Variants in PGR observed in about 807,000 individuals in gnomAD.
PGR encodes nuclear receptor subfamily 3 group C member 3.
PGR carries 25 observed loss-of-function variants against 76.1 expected under a neutral mutation model. The ratio of observed to expected loss-of-function variants is 0.33; its 90% CI spans 0.24 to 0.46. The LOEUF (loss-of-function observed/expected upper bound fraction) is 0.46. PGR is among the 20% of genes least tolerant of loss of function. PGR has a pLI of 1.00. For synonymous variants in PGR, 579 were observed against 535.0 expected (o/e 1.08, Z -1.14); for missense variants, 1,172 against 1,225.3 (o/e 0.96, Z 0.65).
chr11:101,064,331 C>CAAAAAAAAAAAAAAA lies in PGR; in HGVS notation c.1907-1594_1907-1580dup, dbSNP rs10556132. ...AGGTGACAAGGGAGAAACTCCACCTCAAAAAAAAAAAAAAAAAAAAAAAAA... is the reference window on the plus strand; with the variant it reads ...AGGTGACAAGGGAGAAACTCCACCTCAAAAAAAAAAAAAAAAAAAAAAAAAAAAAAAAAAAAAAAA... On this transcript the variant is annotated intron_variant, in intron 3 of 7. Transcript: ENST00000325455. Among the ~76,000 whole-genome samples, 12 of 39,452 alleles carry CAAAAAAAAAAAAAAA rather than the reference C, an allele frequency of 3.0e-4. 1 individual carries two copies. The highest frequency in any genetic ancestry group is 1.2e-3 in the African/African-American group (9 of 7,248). 25.9% of individuals were successfully genotyped at this position (39,452 alleles called of 152,430 possible).
At position 101,105,191 on chromosome 11, in the gene PGR, T is replaced by A. The variant is rs543196309; in HGVS notation, c.1790-13315A>T. On this transcript the variant is annotated intron_variant, in intron 2 of 7. Coordinates refer to ENST00000325455, the MANE Select transcript of PGR (RefSeq NM_000926.4). Reference sequence around the variant, plus strand: ...GGGCCTTGAAGGCCACTGTAAGAAATTTGATTTTTCTCTAAAAGATATGGT... The same window carrying A: ...GGGCCTTGAAGGCCACTGTAAGAAAATTGATTTTTCTCTAAAAGATATGGT... Among the ~76,000 whole-genome samples the A allele has an allele frequency of 4.4e-4, 67 of 152,110 alleles. 1 individual carries two copies. Among genetic ancestry groups the A allele is most frequent in the Admixed American group, 5.2e-4 (8 of 15,264 alleles).
chr11:101,124,563 A>T (rs1862781540), intron 2 of PGR, among the ~76,000 whole-genome samples: 1 of 152,194 alleles, frequency 6.6e-6, no homozygotes, highest in South Asian at 2.1e-4. Context: ...GAGGATTCTA[A>T]GGGAGTCATT....
rs1232750444 is a variant in PGR, at chr11:101,113,392, G to T, written c.1789+12615C>A. Among the ~76,000 whole-genome samples the T allele has an allele frequency of 3.3e-5, 5 of 150,584 alleles. 1 individual carries two copies. Among genetic ancestry groups the T allele is most frequent in the African/African-American group, 1.2e-4 (5 of 40,986 alleles). ...TTCTCCTGCCTCAGCCTCCTGAGTA[G>T]CTGGGACTACAGGCACCCACCACCA... On this transcript the variant is annotated intron_variant, in intron 2 of 7. Transcript: ENST00000325455.
At position 101,109,561 on chromosome 11, in the gene PGR, A is replaced by G. The variant is rs143051659; in HGVS notation, c.1789+16446T>C. ...GCCATAATTCTCTTCAATTCTATCA[A>G]GGGTGAGAGAGGGATGAAAGCTGTA... On this transcript the variant is annotated intron_variant, in intron 2 of 7. Coordinates refer to ENST00000325455, the MANE Select transcript of PGR (RefSeq NM_000926.4). Among the ~76,000 whole-genome samples, 47 of 152,346 alleles carry G rather than the reference A, an allele frequency of 3.1e-4. No individual in the cohort carries two copies. The East Asian group carries it at 6.6e-3, about 21-fold the overall frequency.
At chr11:101,072,762 C>T (rs1218437569) in intron 3 of PGR, among the ~76,000 whole-genome samples, 1 of 152,278 alleles carries the variant, frequency 6.6e-6, no homozygotes, top group East Asian at 1.9e-4. Context: ...ATCAATGCAA[C>T]AAGAAGAGCT....
chr11:101,067,713 C>G (rs665617), intron 3 of PGR, among the ~76,000 whole-genome samples: 27,014 of 151,442 alleles, frequency 0.18, 2,858 homozygotes, highest in African/African-American at 0.3. Flanking sequence ...AAGTACATGT[C>G]AATACATGAG....
intron 3 of PGR, among the ~76,000 whole-genome samples, chr11:101,080,863 A>G (rs1021274338): frequency 6.6e-6 from 1 of 152,146 alleles, no homozygotes; most frequent in Non-Finnish European, 1.5e-5. Context: ...AGACTGGATC[A>G]AGCAGAAGAA....
chr11:101,101,766 T>G (rs940335146), intron 2 of PGR, among the ~76,000 whole-genome samples: 3 of 152,220 alleles, frequency 2.0e-5, no homozygotes, highest in Non-Finnish European at 4.4e-5. Flanking sequence ...GTCATTAAAT[T>G]TTTTGGTTTG....
At chr11:101,046,292 ATTTT>A (rs540943297) in intron 6 of PGR, among the ~76,000 whole-genome samples, 15 of 66,274 alleles carry the variant, frequency 2.3e-4, no homozygotes, top group African/African-American at 5.2e-4. Flanking sequence ...CGCCTGGCTA[ATTTT>A]TTTTTTTTTT....
intron 5 of PGR, among the ~76,000 whole-genome samples, chr11:101,050,357 C>A (rs997780919): frequency 6.6e-6 from 1 of 151,928 alleles, no homozygotes; most frequent in African/African-American, 2.4e-5. Flanking sequence ...ATACCTAAAC[C>A]AAGAAAACAC....
rs1214198393 is a variant in PGR, at chr11:101,062,673, A to T, written c.1986T>A (p.Val662=). The T allele has an allele frequency of 6.2e-7, 1 of 1,613,948 alleles. No homozygotes were observed. Among genetic ancestry groups the T allele is most frequent in the Admixed American group, 1.7e-5 (1 of 59,998 alleles). The part of the protein sequence containing the change: ...DAVALPQPVG[V]PNESQALSQR... ...GGCTTAGGGCTTGGCTTTCATTTGG[A>T]ACGCCCACTGGCTGTGGGAGAGCAA... The change falls in exon 4 of 8, where the codon GTT becomes GTA. Residue 662 remains valine (V), a synonymous_variant. Transcript: ENST00000325455.
chr11:101,031,512 A>G lies in PGR; in HGVS notation c.*7604T>C. On this transcript the variant is annotated 3_prime_UTR_variant, in exon 8 of 8. Coordinates refer to ENST00000325455, the MANE Select transcript of PGR (RefSeq NM_000926.4). Reference sequence around the variant, plus strand: ...AAGCGCCAAGTTTTCTCTTCAACCTACTGCTCACCAGTGCTCCCTCCTCAG... The same window carrying G: ...AAGCGCCAAGTTTTCTCTTCAACCTGCTGCTCACCAGTGCTCCCTCCTCAG... The G allele has an allele frequency of 4.4e-6, 1 of 228,154 alleles. No homozygotes were observed. The highest frequency in any genetic ancestry group is 8.7e-6 in the Non-Finnish European group (1 of 114,906). The allele number at this position is 228,154 out of a possible 1,614,324, so 14.1% of individuals were successfully genotyped here. A position where few individuals can be genotyped will look rare whatever the true frequency, so the allele number is the denominator to read the frequency against.
chr11:101,100,589 T>C (rs149540838), intron 2 of PGR, among the ~76,000 whole-genome samples: 1 of 148,636 alleles, frequency 6.7e-6, no homozygotes, highest in Non-Finnish European at 1.5e-5. Context: ...ATAATGCTGA[T>C]ACTAGTATTT....
intron 3 of PGR, among the ~76,000 whole-genome samples, chr11:101,067,941 A>G (rs891539376): frequency 1.3e-5 from 2 of 152,168 alleles, no homozygotes; most frequent in African/African-American, 4.8e-5. Context: ...ATCCTACAGA[A>G]TAATATAAGA....
chr11:101,060,571 G>A (rs1334964982), intron 4 of PGR, among the ~76,000 whole-genome samples: 1 of 152,084 alleles, frequency 6.6e-6, no homozygotes, highest in Non-Finnish European at 1.5e-5. Flanking sequence ...TTCTATACAT[G>A]TGTCCATCCA....
rs2135380770 is a variant in PGR, at chr11:101,042,747, A to T, written c.2489-645T>A. 2.6e-5 allele frequency among the ~76,000 whole-genome samples: 4 copies of T among 152,304 alleles called. No individual in the cohort carries two copies. The South Asian group carries it at 8.3e-4, about 32-fold the overall frequency. On this transcript the variant is annotated intron_variant, in intron 6 of 7. Coordinates refer to ENST00000325455, the MANE Select transcript of PGR (RefSeq NM_000926.4). ...GGTTCCAGACCACGGCAATGAAGGA[A>T]ATATTGCAACAAAGTGAATCACATG...
At position 101,035,711 on chromosome 11, in the gene PGR, T is replaced by C. The variant is rs763274162; in HGVS notation, c.*3405A>G. On this transcript the variant is annotated 3_prime_UTR_variant, in exon 8 of 8. Transcript: ENST00000325455. Reference sequence around the variant, plus strand: ...AGTGATAGGCTCTTTAGAACTTTGATAAAACAGGCCCTAAACTCAAAACAC... The same window carrying C: ...AGTGATAGGCTCTTTAGAACTTTGACAAAACAGGCCCTAAACTCAAAACAC... 99 of 232,132 alleles carry C rather than the reference T, an allele frequency of 4.3e-4. No individual in the cohort carries two copies. The highest frequency in any genetic ancestry group is 7.0e-4 in the Non-Finnish European group (82 of 117,506). The allele number at this position is 232,132 out of a possible 1,614,324, so 14.4% of individuals were successfully genotyped here.
At chr11:101,086,345 G>A (rs542643534) in intron 3 of PGR, among the ~76,000 whole-genome samples, 1 of 152,162 alleles carries the variant, frequency 6.6e-6, no homozygotes. Flanking sequence ...AAAACCATAT[G>A]ATCATCTCAA....
chr11:101,127,002 A>G (rs1417062518), intron 1 of PGR: 1 of 152,802 alleles, frequency 6.5e-6, no homozygotes, highest in African/African-American at 2.4e-5. Context: ...CCTCTCCAAG[A>G]CAAGCACTCC....
Sources: gnomAD v4.1 joint callset for allele counts (sites outside exome capture counted in the v4.1 genomes callset) on GRCh38, gnomAD v4.1.1 for gene constraint, MANE v1.5 for transcripts, NCBI Gene and HGNC (gene_info 2026-07-23, HGNC 2026-07-21) for gene names.